PCYT1B: variants seen among roughly 807,000 people sequenced by gnomAD.
The protein encoded by PCYT1B is choline-phosphate cytidylyltransferase B.
Under a neutral mutation model 26.4 loss-of-function variants are expected in PCYT1B, and 10 were observed. The observed-to-expected ratio is 0.38, with a 90% confidence interval of 0.23 to 0.64. The LOEUF (loss-of-function observed/expected upper bound fraction) is 0.64, where lower values mean the gene tolerates loss of function less well. Among genes scored for constraint, PCYT1B ranks in the 30% least tolerant of loss-of-function variants. PCYT1B has a pLI of 0.56. For missense variants in PCYT1B, 161 were observed against 292.7 expected (o/e 0.55, Z 3.28); for synonymous variants, 131 against 108.4 (o/e 1.21, Z -1.29).
At chrX:24,601,502 A>G (rs2148242246) in intron 3 of PCYT1B, among the ~76,000 whole-genome samples, 1 of 110,548 alleles carries the variant, frequency 9.0e-6, no homozygotes, top group African/African-American at 3.3e-5. Context: ...CGAAAAAAAA[A>G]AAAAAAAAGA....
intron 2 of PCYT1B, among the ~76,000 whole-genome samples, chrX:24,613,950 C>CAAAAAAA (rs200062439): frequency 3.9e-5 from 3 of 77,209 alleles, no homozygotes; most frequent in East Asian, 3.9e-4. Flanking sequence ...AACAACCTGT[C>CAAAAAAA]AAAAAAAAAA....
intron 2 of PCYT1B, among the ~76,000 whole-genome samples, chrX:24,617,805 C>T (rs1008421028): frequency 2.7e-5 from 3 of 111,281 alleles, no homozygotes; most frequent in African/African-American, 9.8e-5. Flanking sequence ...TTATTTTTCA[C>T]CCCATCCCAA....
At chrX:24,671,134 A>AT (rs1326899993) in intron 1 of PCYT1B, among the ~76,000 whole-genome samples, 1 of 109,764 alleles carries the variant, frequency 9.1e-6, no homozygotes, top group Non-Finnish European at 1.9e-5. Flanking sequence ...TGCCTGGCTA[A>AT]TTTTTTTGTA....
intron 1 of PCYT1B, among the ~76,000 whole-genome samples, chrX:24,637,491 A>AAAAAAAATATATAT: frequency 1.9e-5 from 1 of 52,878 alleles, no homozygotes; most frequent in African/African-American, 1.5e-4. Context: ...AAAAAAAAAA[A>AAAAAAAATATATAT]ATATATATAT....
chrX:24,654,084 TTTTC>T (rs1178544212), intron 1 of PCYT1B, among the ~76,000 whole-genome samples: 69 of 77,446 alleles, frequency 8.9e-4, no homozygotes, highest in African/African-American at 2.1e-3. Flanking sequence ...TCCACGTTTC[TTTTC>T]TTTCTTTCTT....
intron 1 of PCYT1B, among the ~76,000 whole-genome samples, chrX:24,638,507 T>C (rs762501788): frequency 8.9e-6 from 1 of 112,285 alleles, no homozygotes. Flanking sequence ...CCTAGCAAGG[T>C]AGAGGCTGTT....
intron 7 of PCYT1B, among the ~76,000 whole-genome samples, chrX:24,574,653 A>G (rs1923961308): frequency 9.0e-6 from 1 of 111,592 alleles, no homozygotes; most frequent in Non-Finnish European, 1.9e-5. Context: ...GGCTCCTCAC[A>G]AGAAAAACTG....
At chrX:24,593,437 C>CT (rs1924644995) in intron 3 of PCYT1B, among the ~76,000 whole-genome samples, 17 of 73,790 alleles carry the variant, frequency 2.3e-4, no homozygotes, top group African/African-American at 3.5e-4. Flanking sequence ...TCTTTCCTTT[C>CT]TTTCTTTCTT....
intron 2 of PCYT1B, among the ~76,000 whole-genome samples, chrX:24,609,888 C>T (rs1602178296): frequency 9.0e-6 from 1 of 110,844 alleles, no homozygotes; most frequent in Non-Finnish European, 1.9e-5. Context: ...AGGTCAGGAG[C>T]TCCAGACCAG....
At chrX:24,624,141 T>G (rs956579210) in intron 1 of PCYT1B, among the ~76,000 whole-genome samples, 3 of 109,739 alleles carry the variant, frequency 2.7e-5, no homozygotes, top group African/African-American at 1.0e-4. Flanking sequence ...GGCTAATTTT[T>G]TGTATTTTTA....
chrX:24,631,037 C>T (rs1385508670), intron 1 of PCYT1B, among the ~76,000 whole-genome samples: 1 of 111,650 alleles, frequency 9.0e-6, no homozygotes, highest in African/African-American at 3.3e-5. Context: ...ATTCTCCTGC[C>T]TCAGCCTCCT....
At position 24,590,791 on chromosome X, in the gene PCYT1B, T is replaced by TC. The variant is rs1491397453; in HGVS notation, c.335-618_335-617insG. ...TAGAGTTCATCCTTTCACATCTCTC[T>TC]TTTTTTTTTTTTTTTTTTTTGAGAC... is the stretch of plus-strand genomic sequence containing the variant. On this transcript the variant is annotated intron_variant, in intron 3 of 7. Coordinates refer to ENST00000379144, the MANE Select transcript of PCYT1B (RefSeq NM_004845.5). Among the ~76,000 whole-genome samples the TC allele has an allele frequency of 4.2e-4, 12 of 28,775 alleles. No individual in the cohort carries two copies. In the South Asian group the frequency reaches 8.6e-3, roughly 21 times the overall value. 25.0% of individuals were successfully genotyped at this position (28,775 alleles called of 115,157 possible).
At chrX:24,616,796 C>A (rs1925514019) in intron 2 of PCYT1B, among the ~76,000 whole-genome samples, 1 of 112,011 alleles carries the variant, frequency 8.9e-6, no homozygotes, top group East Asian at 2.8e-4. Flanking sequence ...ACCTCCCCAA[C>A]CTTGTTTTGC....
At chrX:24,647,639 T>C (rs1370757662), upstream of PCYT1B, among the ~76,000 whole-genome samples, 1 of 112,292 alleles carries the variant, frequency 8.9e-6, no homozygotes, top group Non-Finnish European at 1.9e-5. Flanking sequence ...TAAAGGACCA[T>C]GTCCCTGGGA....
chrX:24,628,130 T>C (rs1476397530), intron 1 of PCYT1B, among the ~76,000 whole-genome samples: 1 of 111,303 alleles, frequency 9.0e-6, no homozygotes, highest in Non-Finnish European at 1.9e-5. Context: ...ACTGAGAGAG[T>C]ATGTGATATA....
chrX:24,587,391 T>C lies in PCYT1B; in HGVS notation c.487-72A>G. ...ATGTCTGCAGATTTGAAGGGGGGAA[T>C]GGTGACTTCATAATGCCTTTTCAAA... is the stretch of plus-strand genomic sequence containing the variant. On this transcript the variant is annotated intron_variant, in intron 4 of 7. Transcript: ENST00000379144. The C allele has an allele frequency of 4.4e-6, 3 of 677,732 alleles. No individual in the cohort carries two copies. The Admixed American group carries it at 6.9e-5, about 16-fold the overall frequency. 55.9% of individuals were successfully genotyped at this position (677,732 alleles called of 1,213,427 possible).
At chrX:24,655,643 C>T (rs936496780) in intron 1 of PCYT1B, among the ~76,000 whole-genome samples, 2 of 110,796 alleles carry the variant, frequency 1.8e-5, no homozygotes, top group African/African-American at 3.3e-5. Context: ...ATTAGCCAGG[C>T]GTGGTGGCGG....
chrX:24,632,479 C>G (rs1360654943), intron 1 of PCYT1B: 3 of 142,568 alleles, frequency 2.1e-5, no homozygotes, highest in Non-Finnish European at 3.1e-5. Flanking sequence ...TGATGCATTA[C>G]AAGTACTCGA....
At chrX:24,651,242 G>A (rs1926756610), upstream of PCYT1B, among the ~76,000 whole-genome samples, 1 of 108,066 alleles carries the variant, frequency 9.3e-6, no homozygotes, top group African/African-American at 3.4e-5. Context: ...TGGATCATGA[G>A]GTCAAGAGAT....
Sources: gnomAD v4.1 joint callset for allele counts (sites outside exome capture counted in the v4.1 genomes callset) on GRCh38, gnomAD v4.1.1 for gene constraint, MANE v1.5 for transcripts, NCBI Gene and HGNC (gene_info 2026-07-23, HGNC 2026-07-21) for gene names.